The following EBF1 variants were observed in gnomAD, a reference collection of about 807,000 sequenced individuals.
EBF1 encodes EBF transcription factor 1.
EBF1 carries 10 observed loss-of-function variants against 68.4 expected under a neutral mutation model. The ratio of observed to expected loss-of-function variants is 0.15; its 90% CI spans 0.09 to 0.25. The LOEUF (loss-of-function observed/expected upper bound fraction) is 0.25, where lower values mean the gene tolerates loss of function less well. EBF1 is among the 10% of genes least tolerant of loss of function. The pLI, the probability that EBF1 is intolerant of heterozygous loss-of-function variation, is 1.00. For synonymous variants in EBF1, 298 were observed against 299.8 expected, an observed-to-expected ratio of 0.99 and a Z score of 0.06; for missense variants, 509 against 794.4, an observed-to-expected ratio of 0.64 and a Z score of 4.32.
chr5:158,759,550 G>A (rs998370288), intron 10 of EBF1, among the ~76,000 whole-genome samples: 18 of 152,266 alleles, frequency 1.2e-4, no homozygotes, highest in South Asian at 4.1e-4. Flanking sequence ...TAGCGTGAGC[G>A]CTGGGGAAAG....
At chr5:158,785,833 T>A (rs1172506973) in intron 9 of EBF1, among the ~76,000 whole-genome samples, 1 of 152,180 alleles carries the variant, frequency 6.6e-6, no homozygotes, top group South Asian at 2.1e-4. Flanking sequence ...TCAATATAGA[T>A]ATCGACATAG....
chr5:158,804,221 T>C (rs1174364708), intron 8 of EBF1, among the ~76,000 whole-genome samples: 1 of 151,914 alleles, frequency 6.6e-6, no homozygotes, highest in Non-Finnish European at 1.5e-5. Flanking sequence ...AGCTCCAATG[T>C]CCATCTACAT....
chr5:158,737,266 ATTTTTTTTTTTTTTTTT>A (rs61380054), intron 10 of EBF1, among the ~76,000 whole-genome samples: 56 of 55,610 alleles, frequency 1.0e-3, no homozygotes, highest in African/African-American at 3.3e-3. Flanking sequence ...ACATGCCCTG[ATTTTTTTTTTTTTTTTT>A]TTTTTTTTTT....
chr5:158,747,801 A>G (rs1767924001), intron 10 of EBF1, among the ~76,000 whole-genome samples: 1 of 152,218 alleles, frequency 6.6e-6, no homozygotes, highest in Non-Finnish European at 1.5e-5. Flanking sequence ...GCTAAGCACT[A>G]TCTTACAAAT....
chr5:158,803,237 G>A (rs1780940581), intron 8 of EBF1, among the ~76,000 whole-genome samples: 1 of 151,884 alleles, frequency 6.6e-6, no homozygotes. Context: ...CCTTAATTTT[G>A]GTGATGTTGT....
At chr5:159,079,392 T>A (rs1403296658) in intron 5 of EBF1, among the ~76,000 whole-genome samples, 4 of 152,226 alleles carry the variant, frequency 2.6e-5, no homozygotes, top group African/African-American at 9.6e-5. Flanking sequence ...TGAGTTAGTT[T>A]CTTCACTGCC....
intron 10 of EBF1, among the ~76,000 whole-genome samples, chr5:158,775,985 T>TTTA (rs1288840206): frequency 1.3e-5 from 2 of 152,198 alleles, no homozygotes; most frequent in African/African-American, 4.8e-5. Context: ...GCATCATAGC[T>TTTA]TTCTCTACGC....
At chr5:159,038,910 T>C (rs1267798227) in intron 6 of EBF1, among the ~76,000 whole-genome samples, 1 of 152,148 alleles carries the variant, frequency 6.6e-6, no homozygotes, top group Non-Finnish European at 1.5e-5. Flanking sequence ...GGCCCCCATC[T>C]ACAAAATGGA....
intron 6 of EBF1, among the ~76,000 whole-genome samples, chr5:158,970,597 C>T (rs990887473): frequency 1.3e-5 from 2 of 152,202 alleles, no homozygotes; most frequent in Non-Finnish European, 2.9e-5. Flanking sequence ...TCAAAGTTGA[C>T]TCACATCAGA....
At chr5:158,949,099 G>A (rs1017256034) in intron 6 of EBF1, among the ~76,000 whole-genome samples, 5 of 152,130 alleles carry the variant, frequency 3.3e-5, no homozygotes, top group Non-Finnish European at 5.9e-5. Context: ...ATTTTTGTCT[G>A]TGCATATAGG....
At chr5:158,855,647 C>T (rs1182538072) in intron 6 of EBF1, among the ~76,000 whole-genome samples, 1 of 152,218 alleles carries the variant, frequency 6.6e-6, no homozygotes, top group Non-Finnish European at 1.5e-5. Context: ...TCGTCATACC[C>T]AGATCCTATT....
chr5:158,869,664 C>G (rs1350206540), intron 6 of EBF1, among the ~76,000 whole-genome samples: 1 of 151,896 alleles, frequency 6.6e-6, no homozygotes, highest in Admixed American at 6.6e-5. Context: ...GGGACCTACC[C>G]AAATCCAAGG....
At chr5:158,758,091 C>T (rs1770538817) in intron 10 of EBF1, among the ~76,000 whole-genome samples, 1 of 152,140 alleles carries the variant, frequency 6.6e-6, no homozygotes, top group Non-Finnish European at 1.5e-5. Context: ...TTTCAATTGT[C>T]ACAACAAACT....
intron 6 of EBF1, among the ~76,000 whole-genome samples, chr5:158,882,087 A>G (rs1278713713): frequency 6.6e-6 from 1 of 152,208 alleles, no homozygotes; most frequent in African/African-American, 2.4e-5. Flanking sequence ...GTTTGCTGAG[A>G]GATGGTACAC....
chr5:158,745,840 C>A (rs113847476), intron 10 of EBF1, among the ~76,000 whole-genome samples: 2,830 of 152,244 alleles, frequency 0.019, 42 homozygotes, highest in Non-Finnish European at 0.03. Flanking sequence ...AATCCACTAA[C>A]CTAAGTGGAA....
intron 6 of EBF1, among the ~76,000 whole-genome samples, chr5:158,862,067 A>T (rs1327254366): frequency 6.6e-6 from 1 of 152,136 alleles, no homozygotes; most frequent in African/African-American, 2.4e-5. Flanking sequence ...TTACTTTCAA[A>T]TTTTTTTGCT....
chr5:158,946,699 T>C (rs1814802327), intron 6 of EBF1, among the ~76,000 whole-genome samples: 1 of 152,176 alleles, frequency 6.6e-6, no homozygotes, highest in Non-Finnish European at 1.5e-5. Context: ...TGTCCCTTAT[T>C]AGAACTCCAA....
chr5:158,716,259 T>C (rs779610339), intron 11 of EBF1, among the ~76,000 whole-genome samples: 1 of 152,204 alleles, frequency 6.6e-6, no homozygotes, highest in Non-Finnish European at 1.5e-5. Flanking sequence ...AATCTACTTT[T>C]TTTTTTCTCC....
At chr5:159,065,484 G>C (rs771536243) in intron 6 of EBF1, among the ~76,000 whole-genome samples, 1 of 152,020 alleles carries the variant, frequency 6.6e-6, no homozygotes, top group Non-Finnish European at 1.5e-5. Flanking sequence ...AAAAAGAAAA[G>C]AAAAAAAGTT....
Sources: gnomAD v4.1 joint callset for allele counts (sites outside exome capture counted in the v4.1 genomes callset) on GRCh38, gnomAD v4.1.1 for gene constraint, MANE v1.5 for transcripts, NCBI Gene and HGNC (gene_info 2026-07-23, HGNC 2026-07-21) for gene names.